The following WHRN variants were observed in gnomAD, a reference collection of about 807,000 sequenced individuals.
WHRN encodes CASK-interacting protein CIP98.
WHRN carries 41 observed loss-of-function variants against 68.3 expected under a neutral mutation model. The observed-to-expected ratio is 0.60, with a 90% confidence interval of 0.47 to 0.78. The LOEUF (loss-of-function observed/expected upper bound fraction) is 0.78, where lower values mean the gene tolerates loss of function less well. Among genes scored for constraint, WHRN ranks in the 30% least tolerant of loss-of-function variants. The pLI is 0.00. For missense variants in WHRN, 1,243 were observed against 1,244.7 expected (o/e 1.00, Z 0.02); for synonymous variants, 560 against 561.3 (o/e 1.00, Z 0.03).
At chr9:114,405,030 C>T (rs1417822126) in intron 9 of WHRN, among the ~76,000 whole-genome samples, 7 of 149,864 alleles carry the variant, frequency 4.7e-5, no homozygotes, top group African/African-American at 1.7e-4. Context: ...TTCTCTTTTT[C>T]TCTTGGTAAG....
At chr9:114,410,959 G>A (rs1835393605) in intron 7 of WHRN, among the ~76,000 whole-genome samples, 1 of 152,236 alleles carries the variant, frequency 6.6e-6, no homozygotes, top group Non-Finnish European at 1.5e-5. Context: ...TTGCAGCTGA[G>A]TGATGGTAGG....
intron 1 of WHRN, among the ~76,000 whole-genome samples, chr9:114,499,118 TAATA>T (rs1160974566): frequency 6.6e-6 from 1 of 152,206 alleles, no homozygotes; most frequent in Admixed American, 6.5e-5. Context: ...AAAACTGCTT[TAATA>T]AATAGTCTAT....
chr9:114,482,716 A>C (rs1842187193), intron 1 of WHRN, among the ~76,000 whole-genome samples: 1 of 152,142 alleles, frequency 6.6e-6, no homozygotes, highest in African/African-American at 2.4e-5. Flanking sequence ...AATAAAGAAC[A>C]ATGCGCAGAG....
At chr9:114,425,638 C>CAG (rs1836777989) in intron 4 of WHRN, 4 of 227,342 alleles carry the variant, frequency 1.8e-5, no homozygotes, top group Admixed American at 5.4e-5. Flanking sequence ...CACAGAGAGA[C>CAG]ACAGACAGAC....
At chr9:114,482,806 A>C (rs10982239) in intron 1 of WHRN, among the ~76,000 whole-genome samples, 28,768 of 152,132 alleles carry the variant, frequency 0.19, 4,337 homozygotes, top group African/African-American at 0.39. Flanking sequence ...CAACCTTGCG[A>C]ACGGAGAGGT....
intron 1 of WHRN, among the ~76,000 whole-genome samples, chr9:114,497,679 G>C (rs7022965): frequency 0.066 from 10,052 of 152,252 alleles, 1,114 homozygotes; most frequent in African/African-American, 0.23. Context: ...TGGGGATGTG[G>C]TTTGAAAATT....
In WHRN at chr9:114,454,975, A is replaced by T. The variant is rs114998870; in HGVS notation, c.963+11292T>A. On this transcript the variant is annotated intron_variant, in intron 3 of 11. Transcript: ENST00000362057. ...TCACTGGAGATAGGGTAGTCCTTTC[A>T]GCAGATGGTGCTAGAACAATTGGCT... Among the ~76,000 whole-genome samples the T allele has an allele frequency of 7.9e-3, 1,162 of 147,750 alleles. 6 individuals carry two copies. The highest frequency in any genetic ancestry group is 0.027 in the African/African-American group (1,083 of 39,970).
intron 1 of WHRN, among the ~76,000 whole-genome samples, chr9:114,485,309 A>G (rs1842391754): frequency 6.6e-6 from 1 of 152,228 alleles, no homozygotes; most frequent in Non-Finnish European, 1.5e-5. Context: ...GTTCAGACAC[A>G]CCGGACAATG....
At chr9:114,466,133 A>G (rs1840669002) in intron 3 of WHRN, 134 bp downstream of exon 3, 9 of 1,378,684 alleles carry the variant, frequency 6.5e-6, no homozygotes, top group Non-Finnish European at 9.1e-6. Flanking sequence ...TTAGAGGTAC[A>G]GCAGCCAGGG....
chr9:114,504,454 C>G lies in WHRN; in HGVS notation c.348G>C (p.Leu116=), dbSNP rs775775788. 2 of 1,607,434 alleles carry G rather than the reference C, an allele frequency of 1.2e-6. No individual in the cohort carries two copies. Among genetic ancestry groups the G allele is most frequent in the African/African-American group, 2.7e-5 (2 of 74,916 alleles). ...GCTGCCTGTAGGGGGTGGTGGCGGG[C>G]AGGTAGAGGCCCTCGGCCGTGTATT... ...FDQYTAEGLY[L]PATTPYRQPA... is the part of the protein sequence containing the mutation. Residue 116 remains leucine, a synonymous_variant, in exon 1 of 12, where the codon CTG becomes CTC. Transcript: ENST00000362057.
At position 114,406,762 on chromosome 9, in the gene WHRN, G is replaced by A. The variant is rs777705042; in HGVS notation, c.1829C>T (p.Pro610Leu). ...GCCCGAGCAGGAAGGCATGGAGGAA[G>A]GTGGCTGGAGGTCCTCTCTCCCCAG... ...RKLGREDLQP[P>L]SSMPSCSGTV... The change falls in exon 9 of 12, where the codon CCT becomes CTT. Residue 610 changes from proline to leucine, a missense_variant. By Grantham distance (98) the Pro-to-Leu change is moderately conservative (BLOSUM62 -3). Transcript: ENST00000362057. The A allele has an allele frequency of 6.2e-7, 1 of 1,614,038 alleles. No individual in the cohort carries two copies. The highest frequency in any genetic ancestry group is 8.5e-7 in the Non-Finnish European group (1 of 1,180,016).
At chr9:114,439,658 G>A (rs1266053487) in intron 3 of WHRN, among the ~76,000 whole-genome samples, 7 of 152,110 alleles carry the variant, frequency 4.6e-5, no homozygotes, top group Non-Finnish European at 8.8e-5. Flanking sequence ...GTACACACAT[G>A]TATGAATATG....
In WHRN at chr9:114,403,199, G is replaced by C; in HGVS notation, c.2541+18C>G. On this transcript the variant is annotated intron_variant, in intron 11 of 11. Transcript: ENST00000362057. ...CAGGGGTAGGGAGAGATGGCAAGTG[G>C]GGCCCCTGGGGACATACCTGAATAG... 6.2e-7 allele frequency: 1 copy of C among 1,613,920 alleles called. No homozygotes were observed.
intron 3 of WHRN, among the ~76,000 whole-genome samples, chr9:114,442,943 TAAACA>T (rs1180198711): frequency 2.0e-5 from 3 of 152,074 alleles, no homozygotes; most frequent in African/African-American, 7.2e-5. Context: ...TAAAAAGATT[TAAACA>T]AAACAAAACA....
chr9:114,440,156 G>A (rs899834417), intron 3 of WHRN, among the ~76,000 whole-genome samples: 5 of 152,070 alleles, frequency 3.3e-5, no homozygotes, highest in Non-Finnish European at 5.9e-5. Context: ...CAAGTGATCC[G>A]CCCACCTTGG....
intron 3 of WHRN, among the ~76,000 whole-genome samples, chr9:114,464,706 T>C (rs954027708): frequency 6.6e-6 from 1 of 152,116 alleles, no homozygotes; most frequent in Admixed American, 6.5e-5. Context: ...ATGTTACCTA[T>C]TATTATTATA....
At chr9:114,418,189 A>G (rs765324712) in intron 7 of WHRN, among the ~76,000 whole-genome samples, 4 of 152,194 alleles carry the variant, frequency 2.6e-5, no homozygotes, top group Non-Finnish European at 5.9e-5. Flanking sequence ...CATCAGGTCT[A>G]TAAACCACAG....
rs1051572807 is a variant in WHRN, at chr9:114,504,920, G to A, written c.-119C>T. 2 of 1,303,288 alleles carry A rather than the reference G, an allele frequency of 1.5e-6. No individual in the cohort carries two copies. The highest frequency in any genetic ancestry group is 4.1e-5 in the Admixed American group (1 of 24,106). 80.7% of individuals were successfully genotyped at this position (1,303,288 alleles called of 1,614,324 possible). The stretch of plus-strand genomic sequence containing the variant: ...AGCGCGGAGACGACGGCTGGAGCCT[G>A]GGTTTGGGGAGCACGGGTACAGTGG... On this transcript the variant is annotated 5_prime_UTR_variant, in exon 1 of 12. Coordinates refer to ENST00000362057, the MANE Select transcript of WHRN (RefSeq NM_015404.4).
intron 1 of WHRN, among the ~76,000 whole-genome samples, chr9:114,483,940 G>C (rs1842288789): frequency 6.6e-6 from 1 of 152,208 alleles, no homozygotes. Context: ...GGCAGGCTGA[G>C]GGTTGCACCT....
Sources: gnomAD v4.1 joint callset for allele counts (sites outside exome capture counted in the v4.1 genomes callset) on GRCh38, gnomAD v4.1.1 for gene constraint, MANE v1.5 for transcripts, NCBI Gene and HGNC (gene_info 2026-07-23, HGNC 2026-07-21) for gene names.